Variants in TRIM29 observed in about 807,000 individuals in gnomAD.
The protein encoded by TRIM29 is tripartite motif-containing protein 29.
TRIM29 carries 52 observed loss-of-function variants against 57.3 expected under a neutral mutation model. That is an observed-to-expected ratio of 0.91 (90% confidence interval 0.73 to 1.14). TRIM29 has a LOEUF of 1.14. Among genes scored for constraint, TRIM29 ranks in the 50% most tolerant of loss-of-function variants. The pLI, the probability that TRIM29 is intolerant of heterozygous loss-of-function variation, is 0.00. For synonymous variants in TRIM29, 319 were observed against 316.9 expected (o/e 1.01, Z -0.07); for missense variants, 753 against 774.6 (o/e 0.97, Z 0.33).
chr11:120,130,831 G>A (rs2135024374), intron 1 of TRIM29, among the ~76,000 whole-genome samples: 1 of 152,316 alleles, frequency 6.6e-6, no homozygotes, highest in African/African-American at 2.4e-5. Flanking sequence ...GCATTGGCAA[G>A]TGAGGAGCAC....
intron 1 of TRIM29, among the ~76,000 whole-genome samples, chr11:120,132,366 C>T (rs1483007829): frequency 6.6e-6 from 1 of 152,162 alleles, no homozygotes; most frequent in South Asian, 2.1e-4. Flanking sequence ...ACACCTCCCT[C>T]CTGACTTCCT....
At chr11:120,135,102 A>C (rs1863792617) in intron 1 of TRIM29, among the ~76,000 whole-genome samples, 1 of 152,058 alleles carries the variant, frequency 6.6e-6, no homozygotes. Flanking sequence ...TGGCACATCC[A>C]CATAGGGCTG....
At chr11:120,131,600 T>C (rs1355490549) in intron 1 of TRIM29, among the ~76,000 whole-genome samples, 1 of 151,860 alleles carries the variant, frequency 6.6e-6, no homozygotes, top group Non-Finnish European at 1.5e-5. Flanking sequence ...CAGCATGTCT[T>C]GCAAGACCAG....
At chr11:120,133,580 C>G (rs1863759166) in intron 1 of TRIM29, among the ~76,000 whole-genome samples, 1 of 152,178 alleles carries the variant, frequency 6.6e-6, no homozygotes, top group African/African-American at 2.4e-5. Flanking sequence ...GCATTCTCCC[C>G]CAAAGTCACC....
At chr11:120,135,749 A>G (rs1212989995) in intron 1 of TRIM29, among the ~76,000 whole-genome samples, 3 of 152,078 alleles carry the variant, frequency 2.0e-5, no homozygotes, top group African/African-American at 7.2e-5. Flanking sequence ...TGTGGGTGAG[A>G]GATGAAGGGA....
intron 1 of TRIM29, chr11:120,128,860 A>G: frequency 2.7e-6 from 4 of 1,491,284 alleles, no homozygotes; most frequent in Non-Finnish European, 3.6e-6. Context: ...CAATGGGAAG[A>G]GAAAGGAAGG....
intron 3 of TRIM29, among the ~76,000 whole-genome samples, chr11:120,127,053 C>T (rs1189140628): frequency 6.6e-6 from 1 of 152,176 alleles, no homozygotes; most frequent in Non-Finnish European, 1.5e-5. Context: ...CCTACTGAGC[C>T]CAGAGCACTG....
chr11:120,132,905 G>A (rs779710166), intron 1 of TRIM29, among the ~76,000 whole-genome samples: 1 of 152,156 alleles, frequency 6.6e-6, no homozygotes, highest in Non-Finnish European at 1.5e-5. Flanking sequence ...CAGGTCAGGG[G>A]AGGGGTGAGA....
At chr11:120,126,145 T>A (rs763340271) in intron 3 of TRIM29, 3 of 487,192 alleles carry the variant, frequency 6.2e-6, no homozygotes, top group Non-Finnish European at 7.3e-6. Context: ...TCTGTTTACC[T>A]CATAGGGTTT....
chr11:120,133,446 C>G (rs1863755989), intron 1 of TRIM29, among the ~76,000 whole-genome samples: 1 of 152,228 alleles, frequency 6.6e-6, no homozygotes, highest in Admixed American at 6.5e-5. Context: ...TGGGTTGCCT[C>G]CTGCCTGCCT....
intron 1 of TRIM29, among the ~76,000 whole-genome samples, chr11:120,135,129 C>T: frequency 6.6e-6 from 1 of 152,172 alleles, no homozygotes; most frequent in African/African-American, 2.4e-5. Flanking sequence ...ACCCTCCTGC[C>T]CACCAGAACC....
chr11:120,133,579 C>T (rs1387365162), intron 1 of TRIM29, among the ~76,000 whole-genome samples: 1 of 152,148 alleles, frequency 6.6e-6, no homozygotes, highest in African/African-American at 2.4e-5. Flanking sequence ...AGCATTCTCC[C>T]CCAAAGTCAC....
intron 4 of TRIM29, 155 bp downstream of exon 4, chr11:120,125,536 C>G: frequency 1.4e-6 from 1 of 729,916 alleles, no homozygotes; most frequent in Admixed American, 2.7e-5. Context: ...GTTAGAATCC[C>G]TGTATCCTAG....
intron 4 of TRIM29, 129 bp from the exon 5 acceptor site, chr11:120,123,184 C>T (rs1425960900): frequency 4.6e-6 from 3 of 651,464 alleles, no homozygotes; most frequent in Non-Finnish European, 7.7e-6. Flanking sequence ...TCCAAGTTTC[C>T]CCAACCTCTC....
chr11:120,128,339 G>A (rs531389636), intron 2 of TRIM29, 61 bp downstream of exon 2: 160 of 1,485,386 alleles, frequency 1.1e-4, no homozygotes, highest in Non-Finnish European at 1.4e-4. Context: ...CAAGGCCTGC[G>A]TCTTTCCAGG....
rs867873640 is a variant in TRIM29 at position 120,134,218 on chromosome 11, C to T, written c.804+3010G>A. On this transcript the variant is annotated intron_variant, in intron 1 of 8. Transcript: ENST00000341846. ...AGGAAGGTGCTGTCATGTTGCCGCACCAAGCGATCTTTTTCTAACAGAGAC... is the reference window on the plus strand; with the variant it reads ...AGGAAGGTGCTGTCATGTTGCCGCATCAAGCGATCTTTTTCTAACAGAGAC... 3.4e-4 allele frequency among the ~76,000 whole-genome samples: 52 copies of T among 152,228 alleles called. 2 individuals are homozygous for T. Among genetic ancestry groups the T allele is most frequent in the Middle Eastern group, 6.8e-3 (2 of 294 alleles).
chr11:120,134,241 G>C (rs1409883894), intron 1 of TRIM29, among the ~76,000 whole-genome samples: 1 of 152,108 alleles, frequency 6.6e-6, no homozygotes, highest in East Asian at 1.9e-4. Flanking sequence ...TTCTAACAGA[G>C]ACTCTGCTCA....
intron 3 of TRIM29, among the ~76,000 whole-genome samples, 182 bp downstream of exon 3, chr11:120,127,154 A>G (rs1172972512): frequency 6.6e-6 from 1 of 152,234 alleles, no homozygotes; most frequent in Non-Finnish European, 1.5e-5. Flanking sequence ...AAAAAATTAA[A>G]CAGAGAGAAT....
intron 5 of TRIM29, among the ~76,000 whole-genome samples, chr11:120,122,292 C>T (rs556089146): frequency 1.3e-5 from 2 of 152,144 alleles, no homozygotes; most frequent in Non-Finnish European, 1.5e-5. Flanking sequence ...CCTCATGGTC[C>T]GAGGGCTGGC....
Sources: gnomAD v4.1 joint callset for allele counts (sites outside exome capture counted in the v4.1 genomes callset) on GRCh38, gnomAD v4.1.1 for gene constraint, MANE v1.5 for transcripts, NCBI Gene and HGNC (gene_info 2026-07-23, HGNC 2026-07-21) for gene names.